The following NSMCE2 variants were observed in gnomAD, a reference collection of about 807,000 sequenced individuals.
NSMCE2 encodes NSE2 SUMO ligase component of SMC5/6 complex.
NSMCE2 carries 24 observed loss-of-function variants against 23.8 expected under a neutral mutation model. The ratio of observed to expected loss-of-function variants is 1.01; its 90% CI spans 0.73 to 1.42. The LOEUF is 1.42. Among genes scored for constraint, NSMCE2 ranks in the 40% most tolerant of loss-of-function variants. The pLI, the probability that NSMCE2 is intolerant of heterozygous loss-of-function variation, is 0.00. For synonymous variants in NSMCE2, 92 were observed against 94.1 expected (o/e 0.98, Z 0.13); for missense variants, 284 against 296.5 (o/e 0.96, Z 0.31).
chr8:125,163,256 G>C (rs1475980310), intron 4 of NSMCE2, among the ~76,000 whole-genome samples: 1 of 152,254 alleles, frequency 6.6e-6, no homozygotes, highest in South Asian at 2.1e-4. Flanking sequence ...TATACTTTCT[G>C]ATCTGATGGT....
chr8:125,153,123 T>TA (rs1007920296), intron 4 of NSMCE2, among the ~76,000 whole-genome samples: 2 of 151,102 alleles, frequency 1.3e-5, no homozygotes, highest in Admixed American at 6.6e-5. Flanking sequence ...GTCACTCATT[T>TA]AAAAAAAAGT....
chr8:125,122,436 C>T (rs1254079991), intron 3 of NSMCE2, among the ~76,000 whole-genome samples: 1 of 152,116 alleles, frequency 6.6e-6, no homozygotes, highest in East Asian at 1.9e-4. Context: ...ACAGAAGGTG[C>T]ATGATGTCAC....
rs138205199 is a variant in NSMCE2 at position 125,148,469 on chromosome 8, G to A, written c.158-2702G>A. On this transcript the variant is annotated intron_variant, in intron 3 of 7. Coordinates refer to ENST00000287437, the MANE Select transcript of NSMCE2 (RefSeq NM_173685.4). The stretch of plus-strand genomic sequence containing the variant: ...GAAATTAACTCATTTAATCCCAGAG[G>A]GAGATTGCTAACATTATATCTATTT... Among the ~76,000 whole-genome samples, 20 of 152,228 alleles carry A rather than the reference G, an allele frequency of 1.3e-4. No individual in the cohort carries two copies. In the East Asian group the frequency reaches 3.5e-3, roughly 26 times the overall value.
chr8:125,276,732 C>T, intron 5 of NSMCE2, among the ~76,000 whole-genome samples: 1 of 152,288 alleles, frequency 6.6e-6, no homozygotes, highest in East Asian at 1.9e-4. Context: ...TTTGTTTCAT[C>T]CTAATAACCC....
intron 5 of NSMCE2, among the ~76,000 whole-genome samples, chr8:125,195,730 T>C (rs1823581704): frequency 6.6e-6 from 1 of 152,146 alleles, no homozygotes; most frequent in Admixed American, 6.5e-5. Context: ...GGGGGAAATA[T>C]ATTTCTTTAT....
At chr8:125,149,072 A>T (rs988973386) in intron 3 of NSMCE2, among the ~76,000 whole-genome samples, 1 of 152,190 alleles carries the variant, frequency 6.6e-6, no homozygotes. Flanking sequence ...CTAATAGTCT[A>T]ACAATTTTAC....
intron 3 of NSMCE2, among the ~76,000 whole-genome samples, chr8:125,142,378 G>A (rs1260756824): frequency 6.6e-6 from 1 of 152,106 alleles, no homozygotes; most frequent in Non-Finnish European, 1.5e-5. Flanking sequence ...TAATTCCAGA[G>A]CTAGCTTTTT....
intron 5 of NSMCE2, among the ~76,000 whole-genome samples, chr8:125,322,706 T>G (rs1278216022): frequency 6.6e-6 from 1 of 152,096 alleles, no homozygotes; most frequent in South Asian, 2.1e-4. Context: ...GTGCTGAAAA[T>G]CCAATGAAAT....
At chr8:125,232,465 C>T (rs745360542) in intron 5 of NSMCE2, among the ~76,000 whole-genome samples, 5 of 152,136 alleles carry the variant, frequency 3.3e-5, no homozygotes, top group Non-Finnish European at 7.3e-5. Context: ...AAATAAGCTT[C>T]AGGTGCTTTT....
intron 5 of NSMCE2, among the ~76,000 whole-genome samples, chr8:125,300,847 A>G (rs955983843): frequency 6.6e-6 from 1 of 152,174 alleles, no homozygotes; most frequent in Non-Finnish European, 1.5e-5. Context: ...GAATGTTAAA[A>G]GATGGATTAA....
chr8:125,343,832 AAAAAATAAG>A (rs1830334889), intron 5 of NSMCE2, among the ~76,000 whole-genome samples: 1 of 151,684 alleles, frequency 6.6e-6, no homozygotes, highest in African/African-American at 2.4e-5. Context: ...CGTCTCCACT[AAAAAATAAG>A]AAAAATAAAA....
At chr8:125,214,447 G>A (rs1563723654) in intron 5 of NSMCE2, among the ~76,000 whole-genome samples, 1 of 152,194 alleles carries the variant, frequency 6.6e-6, no homozygotes, top group Admixed American at 6.5e-5. Flanking sequence ...TGAGTCATGG[G>A]GGCTCACGGT....
At chr8:125,219,161 T>C (rs576110218) in intron 5 of NSMCE2, among the ~76,000 whole-genome samples, 4 of 152,146 alleles carry the variant, frequency 2.6e-5, no homozygotes, top group Non-Finnish European at 4.4e-5. Flanking sequence ...TATTTGCTAT[T>C]TGGGGTCTGG....
chr8:125,095,466 C>T (rs554298820), intron 1 of NSMCE2, among the ~76,000 whole-genome samples: 12 of 151,938 alleles, frequency 7.9e-5, no homozygotes, highest in East Asian at 2.0e-4. Context: ...TGGTGGCGCG[C>T]GCCTGTGGTC....
chr8:125,252,835 A>G (rs1826252486), intron 5 of NSMCE2, among the ~76,000 whole-genome samples: 3 of 152,264 alleles, frequency 2.0e-5, no homozygotes, highest in Admixed American at 2.0e-4. Context: ...TTAGATGGGT[A>G]GTTCCGGAGT....
At chr8:125,337,898 A>G (rs551978938) in intron 5 of NSMCE2, among the ~76,000 whole-genome samples, 32 of 151,540 alleles carry the variant, frequency 2.1e-4, no homozygotes, top group African/African-American at 7.2e-4. Flanking sequence ...AAAAAAAAAA[A>G]AAAAAAAGAA....
At chr8:125,305,228 A>G (rs1828713191) in intron 5 of NSMCE2, among the ~76,000 whole-genome samples, 2 of 152,254 alleles carry the variant, frequency 1.3e-5, no homozygotes, top group African/African-American at 4.8e-5. Context: ...GGAATTTAAT[A>G]CATTATTTGA....
intron 4 of NSMCE2, among the ~76,000 whole-genome samples, chr8:125,152,718 A>G (rs1437607021): frequency 6.6e-6 from 1 of 152,208 alleles, no homozygotes; most frequent in Non-Finnish European, 1.5e-5. Flanking sequence ...TTTTTTCCCT[A>G]TTAAACTCTA....
chr8:125,254,247 G>A (rs140223134), intron 5 of NSMCE2, among the ~76,000 whole-genome samples: 2 of 152,184 alleles, frequency 1.3e-5, no homozygotes, highest in African/African-American at 4.8e-5. Flanking sequence ...AAAGTCTTTT[G>A]CATTTTTCAT....
Sources: gnomAD v4.1 joint callset for allele counts (sites outside exome capture counted in the v4.1 genomes callset) on GRCh38, gnomAD v4.1.1 for gene constraint, MANE v1.5 for transcripts, NCBI Gene and HGNC (gene_info 2026-07-23, HGNC 2026-07-21) for gene names.